Variants in PRKN observed in about 807,000 individuals in gnomAD.
PRKN encodes E3 ubiquitin-protein ligase parkin.
Under a neutral mutation model 59.5 loss-of-function variants are expected in PRKN, and 56 were observed. The observed-to-expected ratio is 0.94, with a 90% CI of 0.76 to 1.18. The LOEUF (loss-of-function observed/expected upper bound fraction) is 1.18, where lower values mean the gene tolerates loss of function less well. PRKN is among the 50% of genes most tolerant of loss of function. The pLI is 0.00. For synonymous variants in PRKN, 250 were observed against 222.1 expected, an observed-to-expected ratio of 1.13 and a Z score of -1.12; for missense variants, 657 against 596.4, an observed-to-expected ratio of 1.10 and a Z score of -1.06.
At chr6:161,994,999 A>T (rs988152041) in intron 5 of PRKN, among the ~76,000 whole-genome samples, 1 of 152,180 alleles carries the variant, frequency 6.6e-6, no homozygotes, top group African/African-American at 2.4e-5. Context: ...CCTGGGCAAA[A>T]GAACAAAGCT....
chr6:161,446,741 C>T lies in PRKN; in HGVS notation c.1084-59864G>A, dbSNP rs1031613088. 2.0e-5 allele frequency among the ~76,000 whole-genome samples: 3 copies of T among 152,208 alleles called. No homozygotes were observed. The highest frequency in any genetic ancestry group is 4.4e-5 in the Non-Finnish European group (3 of 68,042). On this transcript the variant is annotated intron_variant, in intron 9 of 11. Transcript: ENST00000366898. This position sits in a 1 kb window ranked among gnomAD's most constrained non-coding sequence, Gnocchi z 6.2. The stretch of plus-strand genomic sequence containing the variant: ...TCTAATTTATAACCATCCTCCCACA[C>T]TAGGAATATGGAGCCAGGAATGAGG...
intron 7 of PRKN, among the ~76,000 whole-genome samples, chr6:161,670,023 T>A (rs1398953379): frequency 6.6e-6 from 1 of 152,192 alleles, no homozygotes; most frequent in Non-Finnish European, 1.5e-5. Flanking sequence ...GACATAGGAA[T>A]GTGTGTTAGA....
At chr6:162,595,232 T>A (rs1401025598) in intron 1 of PRKN, among the ~76,000 whole-genome samples, 1 of 152,094 alleles carries the variant, frequency 6.6e-6, no homozygotes, top group East Asian at 1.9e-4. Flanking sequence ...AAAAAATTGT[T>A]CCTGAGTTTT....
intron 9 of PRKN, among the ~76,000 whole-genome samples, chr6:161,517,526 G>A (rs1266866581): frequency 6.6e-6 from 1 of 151,952 alleles, no homozygotes; most frequent in East Asian, 1.9e-4. Context: ...AGATCACAAG[G>A]TCAGGAGATC....
At chr6:162,653,292 GATTA>G in intron 1 of PRKN, among the ~76,000 whole-genome samples, 1 of 149,018 alleles carries the variant, frequency 6.7e-6, no homozygotes, top group East Asian at 2.0e-4. Context: ...CATGAAGACT[GATTA>G]ATTCAGAATG....
At chr6:161,810,846 T>C (rs538585148) in intron 6 of PRKN, among the ~76,000 whole-genome samples, 2 of 152,280 alleles carry the variant, frequency 1.3e-5, no homozygotes, top group South Asian at 4.1e-4. Flanking sequence ...AGCAGAGACA[T>C]AAATACAGCC....
chr6:161,387,301 C>T (rs943645016), intron 9 of PRKN, among the ~76,000 whole-genome samples: 5 of 152,170 alleles, frequency 3.3e-5, no homozygotes, highest in African/African-American at 9.7e-5. Context: ...TGAGTTCTCA[C>T]GAGATCTGAC....
In PRKN at chr6:161,401,773, T is replaced by C. The variant is rs1182599842; in HGVS notation, c.1084-14896A>G. Reference sequence around the variant, plus strand: ...AGATTCTCAGACAGCTGCATTTGGATTTCCGGGGGCTGGACTGGATCTCAG... The same window carrying C: ...AGATTCTCAGACAGCTGCATTTGGACTTCCGGGGGCTGGACTGGATCTCAG... On this transcript the variant is annotated intron_variant, in intron 9 of 11. Coordinates refer to ENST00000366898, the MANE Select transcript of PRKN (RefSeq NM_004562.3). The surrounding 1 kb of genome is among the most constrained non-coding windows in gnomAD (Gnocchi z 4.4). 1.3e-5 allele frequency among the ~76,000 whole-genome samples: 2 copies of C among 152,232 alleles called. No homozygotes were observed. The highest frequency in any genetic ancestry group is 2.1e-4 in the South Asian group (1 of 4,832).
Position 162,034,974 on chromosome 6 carries a change from A to C in PRKN, c.618+19117T>G, listed in dbSNP as rs146187170. On this transcript the variant is annotated intron_variant, in intron 5 of 11. Transcript: ENST00000366898. The stretch of plus-strand genomic sequence containing the variant: ...CCGAGGCTGGGTAATTTAAAAGAAA[A>C]GAGGTTTAGTTCGCTCACGGTTCTG... 2.2e-3 allele frequency among the ~76,000 whole-genome samples: 338 copies of C among 152,310 alleles called. 3 individuals carry two copies. The highest frequency in any genetic ancestry group is 4.0e-3 in the Non-Finnish European group (274 of 68,026).
At chr6:162,361,788 A>T (rs962487858) in intron 2 of PRKN, among the ~76,000 whole-genome samples, 10 of 152,208 alleles carry the variant, frequency 6.6e-5, no homozygotes, top group Non-Finnish European at 1.0e-4. Flanking sequence ...TAATATGCCA[A>T]GAGTCCTATC....
chr6:162,317,450 C>T (rs2128120236), intron 2 of PRKN, among the ~76,000 whole-genome samples: 1 of 152,162 alleles, frequency 6.6e-6, no homozygotes, highest in South Asian at 2.1e-4. Context: ...GTCAATTAAA[C>T]CTCTTTGCTT....
At chr6:162,051,104 T>C (rs1026033018) in intron 5 of PRKN, among the ~76,000 whole-genome samples, 1 of 152,134 alleles carries the variant, frequency 6.6e-6, no homozygotes, top group Non-Finnish European at 1.5e-5. Flanking sequence ...GGATCTCCTA[T>C]GCAAAGAAAG....
rs938582522 is a variant in PRKN, at chr6:161,829,919, C to G, written c.735-44011G>C. On this transcript the variant is annotated intron_variant, in intron 6 of 11. Coordinates refer to ENST00000366898, the MANE Select transcript of PRKN (RefSeq NM_004562.3). ...GAATATAACATATGTAGCAAGTGAA[C>G]AAGTTTGCAGAGCTAGGGATCTGCC... Among the ~76,000 whole-genome samples, 3 of 149,708 alleles carry G rather than the reference C, an allele frequency of 2.0e-5. No homozygotes were observed. In the South Asian group the frequency reaches 6.3e-4, roughly 32 times the overall value.
rs1318266412 is a variant in PRKN, at chr6:162,021,141, T to C, written c.618+32950A>G. Among the ~76,000 whole-genome samples, 26 of 5,676 alleles carry C rather than the reference T, an allele frequency of 4.6e-3. 2 individuals carry two copies. The highest frequency in any genetic ancestry group is 0.021 in the South Asian group (4 of 192). The allele number at this position is 5,676 out of a possible 152,430, so 3.7% of individuals were successfully genotyped here. A position where few individuals can be genotyped will look rare whatever the true frequency, so the allele number is the denominator to read the frequency against. On this transcript the variant is annotated intron_variant, in intron 5 of 11. Transcript: ENST00000366898. ...AAACATATATATATATATATATATA[T>C]ATATATATATATATATATATATATA...
At chr6:162,700,608 A>T (rs1260962016) in intron 1 of PRKN, among the ~76,000 whole-genome samples, 1 of 152,132 alleles carries the variant, frequency 6.6e-6, no homozygotes, top group African/African-American at 2.4e-5. Context: ...GATTCAGTTA[A>T]AACACCTAAC....
In PRKN at chr6:162,676,844, T is replaced by C. The variant is rs367775302; in HGVS notation, c.7+50818A>G. Among the ~76,000 whole-genome samples the C allele has an allele frequency of 6.7e-4, 102 of 152,178 alleles. No individual in the cohort carries two copies. In the East Asian group the frequency reaches 9.9e-3, roughly 15 times the overall value. ...TTGGGAGGCAAGGCAGGTAGATCAT[T>C]GAGGCCAGGAGTTTGTGAGCAGCCT... On this transcript the variant is annotated intron_variant, in intron 1 of 11. Transcript: ENST00000366898.
chr6:162,680,096 C>T (rs1314346510), intron 1 of PRKN, among the ~76,000 whole-genome samples: 11 of 151,770 alleles, frequency 7.2e-5, no homozygotes, highest in African/African-American at 2.4e-4. Flanking sequence ...TTATTAAATA[C>T]ATATAACACA....
At chr6:162,488,176 G>A (rs1288443526) in intron 1 of PRKN, among the ~76,000 whole-genome samples, 4 of 151,940 alleles carry the variant, frequency 2.6e-5, no homozygotes, top group East Asian at 1.9e-4. Flanking sequence ...GTCTATAGAA[G>A]GAAGAATTCC....
At chr6:162,064,858 G>A (rs1356089642) in intron 4 of PRKN, among the ~76,000 whole-genome samples, 2 of 152,192 alleles carry the variant, frequency 1.3e-5, no homozygotes, top group Admixed American at 6.5e-5. Context: ...CGAGTCCCCA[G>A]AATTCTCATT....
Sources: allele counts gnomAD v4.1 joint callset (sites outside exome capture counted in the v4.1 genomes callset), GRCh38; gene constraint gnomAD v4.1.1; non-coding constraint Gnocchi (gnomAD v3.1); transcripts MANE v1.5; gene names NCBI Gene and HGNC (gene_info 2026-07-23, HGNC 2026-07-21).